Variants in SLC25A28 observed in about 807,000 individuals in gnomAD.
The protein encoded by SLC25A28 is solute carrier family 25 member 28.
Under a neutral mutation model 31.9 loss-of-function variants are expected in SLC25A28, and 10 were observed. The ratio of observed to expected loss-of-function variants is 0.31; its 90% CI spans 0.19 to 0.53. The LOEUF (loss-of-function observed/expected upper bound fraction) is 0.53, where lower values mean the gene tolerates loss of function less well. SLC25A28 is among the 20% of genes least tolerant of loss of function. The pLI, the probability that SLC25A28 is intolerant of heterozygous loss-of-function variation, is 0.95. For synonymous variants in SLC25A28, 208 were observed against 203.6 expected (o/e 1.02, Z -0.19); for missense variants, 256 against 490.3 (o/e 0.52, Z 4.51).
At chr10:99,635,891 G>A in the SLC25A28 span, among the ~76,000 whole-genome samples, 1 of 152,158 alleles carries the variant, frequency 6.6e-6, no homozygotes, top group East Asian at 1.9e-4. Flanking sequence ...ACTGTATAAT[G>A]GTAAAAGGCC....
upstream of SLC25A28, among the ~76,000 whole-genome samples, chr10:99,622,184 T>C (rs939372695): frequency 3.8e-4 from 58 of 152,170 alleles, no homozygotes; most frequent in African/African-American, 1.3e-3. Flanking sequence ...AGTACAAAAA[T>C]TCAAAAATTA....
At chr10:99,627,813 G>T in the SLC25A28 span, among the ~76,000 whole-genome samples, 1 of 152,086 alleles carries the variant, frequency 6.6e-6, no homozygotes, top group African/African-American at 2.4e-5. Context: ...CTATCAAACA[G>T]TAGGTCTTAT....
intron 1 of SLC25A28, 87 bp from the exon 2 acceptor site, chr10:99,614,011 G>T: frequency 7.0e-7 from 1 of 1,425,042 alleles, no homozygotes; most frequent in Non-Finnish European, 9.3e-7. Context: ...TCTACATGGA[G>T]CTGTGCCAAT....
chr10:99,648,007 AT>A, the SLC25A28 span, among the ~76,000 whole-genome samples: 774 of 143,276 alleles, frequency 5.4e-3, 5 homozygotes, highest in South Asian at 0.018. Context: ...TATTCCATTG[AT>A]TTTTTTTTTT....
Position 99,610,675 on chromosome 10 carries a change from G to T in SLC25A28, c.*174C>A. 1.4e-6 allele frequency: 1 copy of T among 703,730 alleles called. No individual in the cohort carries two copies. The highest frequency in any genetic ancestry group is 2.3e-6 in the Non-Finnish European group (1 of 427,844). 43.6% of individuals were successfully genotyped at this position (703,730 alleles called of 1,614,324 possible). ...ACGTGCTTAGGGCCTGGAAGGAAAG[G>T]TGGTGGCAACAGAGGTTGGCAGGAA... is the stretch of plus-strand genomic sequence containing the variant. On this transcript the variant is annotated 3_prime_UTR_variant, in exon 4 of 4. Coordinates refer to ENST00000370495, the MANE Select transcript of SLC25A28 (RefSeq NM_031212.4).
At chr10:99,650,597 A>T in the SLC25A28 span, among the ~76,000 whole-genome samples, 1 of 151,998 alleles carries the variant, frequency 6.6e-6, no homozygotes, top group Non-Finnish European at 1.5e-5. Flanking sequence ...CCAGGCAAGC[A>T]GTGTGAGCAA....
At chr10:99,616,567 G>A in intron 1 of SLC25A28, 5 of 985,272 alleles carry the variant, frequency 5.1e-6, no homozygotes, top group Non-Finnish European at 6.0e-6. Context: ...CAATAAATCA[G>A]GGTTAATTTT....
the SLC25A28 span, among the ~76,000 whole-genome samples, chr10:99,630,862 A>G: frequency 2.0e-5 from 3 of 152,216 alleles, no homozygotes; most frequent in Non-Finnish European, 4.4e-5. Context: ...CTAAAATCAT[A>G]TGTTAAGGGG....
rs1213517201 is a variant in SLC25A28 at position 99,611,266 on chromosome 10, G to T, written c.678C>A (p.Arg226=). The T allele has an allele frequency of 6.2e-7, 1 of 1,614,054 alleles. No homozygotes were observed. The highest frequency in any genetic ancestry group is 8.5e-7 in the Non-Finnish European group (1 of 1,180,050). Residue 226 remains arginine (R), a synonymous_variant, in exon 4 of 4, where the codon CGC becomes CGA. Coordinates refer to ENST00000370495, the MANE Select transcript of SLC25A28 (RefSeq NM_031212.4). This position sits in a 1 kb window ranked among gnomAD's most constrained non-coding sequence, Gnocchi z 5.5. ...WQNEGAGAFY[R]SYTTQLTMNV... is the part of the protein sequence containing the mutation. ...TCATGGTCAGCTGGGTGGTGTAGCT[G>T]CGGTAAAAGGCCCCGGCCCCTTCAT...
chr10:99,654,894 G>A, the SLC25A28 span, among the ~76,000 whole-genome samples: 2,352 of 152,234 alleles, frequency 0.015, 62 homozygotes, highest in African/African-American at 0.053. Flanking sequence ...TTTGAAATAC[G>A]GGTTTCTAGA....
At chr10:99,621,892 A>G (rs1220328047), upstream of SLC25A28, 1 of 152,206 alleles carries the variant, frequency 6.6e-6, no homozygotes, top group East Asian at 1.9e-4. Flanking sequence ...TTTGGAAAAT[A>G]ATAAAACTAC....
chr10:99,655,883 T>A, the SLC25A28 span, among the ~76,000 whole-genome samples: 2 of 152,164 alleles, frequency 1.3e-5, no homozygotes, highest in South Asian at 4.1e-4. Flanking sequence ...TGGTTACTTG[T>A]CAAGCTAACA....
chr10:99,626,432 T>G, the SLC25A28 span, among the ~76,000 whole-genome samples: 2 of 152,236 alleles, frequency 1.3e-5, no homozygotes, highest in African/African-American at 2.4e-5. Context: ...AATTTGCTAC[T>G]CCTCATCTGG....
the SLC25A28 span, among the ~76,000 whole-genome samples, chr10:99,639,807 T>C: frequency 1.3e-5 from 2 of 151,484 alleles, no homozygotes; most frequent in Admixed American, 1.3e-4. Context: ...TCCCATATTT[T>C]AGGAAATGGA....
the SLC25A28 span, among the ~76,000 whole-genome samples, chr10:99,626,167 A>C: frequency 6.6e-6 from 1 of 152,206 alleles, no homozygotes; most frequent in African/African-American, 2.4e-5. Context: ...ATATGAGTGT[A>C]GTATAAAATG....
chr10:99,656,704 G>T, the SLC25A28 span, among the ~76,000 whole-genome samples: 1 of 152,198 alleles, frequency 6.6e-6, no homozygotes, highest in African/African-American at 2.4e-5. Context: ...TTTGCTCAGG[G>T]CTGGGCATCA....
chr10:99,626,139 A>G, the SLC25A28 span, among the ~76,000 whole-genome samples: 441 of 152,342 alleles, frequency 2.9e-3, no homozygotes, highest in Non-Finnish European at 4.2e-3. Flanking sequence ...CTGAACTGCC[A>G]TCATACCTGG....
intron 1 of SLC25A28, 146 bp from the exon 2 acceptor site, chr10:99,614,070 T>TCTTTCTTCTAAGCCTTGGAC: frequency 9.9e-7 from 1 of 1,006,082 alleles, no homozygotes; most frequent in Admixed American, 2.9e-5. Flanking sequence ...CTATAGCTGA[T>TCTTTCTTCTAAGCCTTGGAC]CTTTCTTCTA....
Position 99,613,022 on chromosome 10 carries a change from A to G in SLC25A28, c.521-423T>C, listed in dbSNP as rs1007000368. On this transcript the variant is annotated intron_variant, in intron 2 of 3. Coordinates refer to ENST00000370495, the MANE Select transcript of SLC25A28 (RefSeq NM_031212.4). This position sits in a 1 kb window ranked among gnomAD's most constrained non-coding sequence, Gnocchi z 4.9. ...AATCCCACCTCAGTCCTGCCGCAGA[A>G]CCCATTTGCAGAGCCTAACATTTGT... 6.6e-6 allele frequency among the ~76,000 whole-genome samples: 1 copy of G among 151,972 alleles called. No homozygotes were observed. The highest frequency in any genetic ancestry group is 2.4e-5 in the African/African-American group (1 of 41,374).
Sources: allele counts gnomAD v4.1 joint callset (sites outside exome capture counted in the v4.1 genomes callset), GRCh38; gene constraint gnomAD v4.1.1; non-coding constraint Gnocchi (gnomAD v3.1); transcripts MANE v1.5; gene names NCBI Gene and HGNC (gene_info 2026-07-23, HGNC 2026-07-21).